ZNF248: variants seen among roughly 807,000 people sequenced by gnomAD.
ZNF248 encodes zinc finger protein 248, also known as KRAB protein domain.
Under a neutral mutation model 44.3 loss-of-function variants are expected in ZNF248, and 20 were observed. The observed-to-expected ratio is 0.45, with a 90% CI of 0.32 to 0.66. The LOEUF (loss-of-function observed/expected upper bound fraction) is 0.66, where lower values mean the gene tolerates loss of function less well. Ranked by LOEUF, ZNF248 falls within the 30% of genes least tolerant of loss-of-function variation. ZNF248 has a pLI of 0.04. For synonymous variants in ZNF248, 224 were observed against 229.0 expected (o/e 0.98, Z 0.20); for missense variants, 654 against 677.0 (o/e 0.97, Z 0.38).
chr10:37,828,204 CAT>C (rs930195555), downstream of ZNF248, among the ~76,000 whole-genome samples: 9 of 152,318 alleles, frequency 5.9e-5, no homozygotes, highest in Non-Finnish European at 1.2e-4. Context: ...TAGATACACA[CAT>C]GTGAACACAC....
intron 3 of ZNF248, among the ~76,000 whole-genome samples, chr10:37,844,433 G>GT (rs1478486554): frequency 3.9e-5 from 6 of 151,952 alleles, no homozygotes; most frequent in African/African-American, 1.4e-4. Flanking sequence ...TAAAAAAAAT[G>GT]TAAGTACAAA....
rs760687983 is a variant in ZNF248 at position 37,832,435 on chromosome 10, C to A, written c.920G>T (p.Cys307Phe). ...ATGGATAATGAAAGCTGAATTGTCACAGAAGATTTCCCCATATTCATTATA... is the reference window on the plus strand; with the variant it reads ...ATGGATAATGAAAGCTGAATTGTCAAAGAAGATTTCCCCATATTCATTATA... ...YEYNEYGEIF[C>F]DNSAFIIHQG... The change falls in exon 6 of 6, where the codon TGT becomes TTT. Residue 307 changes from cysteine (C) to phenylalanine (F), a missense_variant. By Grantham distance (205) the Cys-to-Phe change is radical (BLOSUM62 -2). Transcript: ENST00000395867. The A allele has an allele frequency of 6.2e-7, 1 of 1,613,996 alleles. No homozygotes were observed. The highest frequency in any genetic ancestry group is 8.5e-7 in the Non-Finnish European group (1 of 1,179,956).
rs1484736362 is a variant in ZNF248, at chr10:37,820,963, C to T, written c.330+12062G>A. 5.0e-6 allele frequency: 8 copies of T among 1,594,746 alleles called. No individual in the cohort carries two copies. The East Asian group carries it at 6.7e-5, about 13-fold the overall frequency. On this transcript the variant is annotated intron_variant, in intron 6 of 6. Coordinates refer to the ZNF248 transcript ENST00000615949. ...TAATTCCTGCCGTCGTGGGTCCAGG[C>T]TATGCAATTCTTCCATCATTTCTGG... is the stretch of plus-strand genomic sequence containing the variant.
intron 6 of ZNF248, among the ~76,000 whole-genome samples, chr10:37,802,617 A>G (rs2049965697): frequency 1.3e-5 from 2 of 152,190 alleles, no homozygotes; most frequent in African/African-American, 4.8e-5. Flanking sequence ...AAAACACTGG[A>G]AAAAAATGCC....
chr10:37,843,799 T>C (rs2058780269), intron 3 of ZNF248, among the ~76,000 whole-genome samples: 1 of 152,102 alleles, frequency 6.6e-6, no homozygotes, highest in African/African-American at 2.4e-5. Context: ...TAACAACCCA[T>C]TTGAACAGAC....
chr10:37,840,254 T>C (rs2058095220), intron 3 of ZNF248, among the ~76,000 whole-genome samples: 1 of 152,044 alleles, frequency 6.6e-6, no homozygotes, highest in Non-Finnish European at 1.5e-5. Flanking sequence ...AACCACAGAC[T>C]GAGAAAAAAT....
intron 5 of ZNF248, among the ~76,000 whole-genome samples, chr10:37,835,149 A>G (rs2056863280): frequency 6.6e-6 from 1 of 152,192 alleles, no homozygotes; most frequent in Admixed American, 6.5e-5. Context: ...GAAAAGAACC[A>G]ACTAGGAATT....
chr10:37,760,862 T>A, the ZNF248 span, among the ~76,000 whole-genome samples: 1 of 152,230 alleles, frequency 6.6e-6, no homozygotes. Flanking sequence ...TATAAAGACA[T>A]ACTAAAACAT....
chr10:37,838,233 A>G (rs973368670), intron 3 of ZNF248, 122 bp from the exon 4 acceptor site: 2 of 804,698 alleles, frequency 2.5e-6, no homozygotes, highest in East Asian at 2.6e-5. Context: ...CTGTGCTGCT[A>G]TACTATACAG....
At position 37,780,232 on chromosome 10, in the gene ZNF248, AG is replaced by A. The variant is rs2047120639; in HGVS notation, c.331-3658del. ...AGTCAATCCTAAGCCAAAAGAACAA[AG>A]CTGGAGGCATCACACTACCTGACTT... On this transcript the variant is annotated intron_variant, in intron 6 of 6. Coordinates refer to the ZNF248 transcript ENST00000615949. 2.0e-5 allele frequency among the ~76,000 whole-genome samples: 3 copies of A among 152,208 alleles called. No homozygotes were observed. The South Asian group carries it at 6.2e-4, about 32-fold the overall frequency.
At chr10:37,827,191 C>A (rs1197992828), downstream of ZNF248, among the ~76,000 whole-genome samples, 1 of 152,156 alleles carries the variant, frequency 6.6e-6, no homozygotes, top group African/African-American at 2.4e-5. Flanking sequence ...CAGAGATCCA[C>A]AAGAATAGGG....
chr10:37,848,390 C>A (rs1425313532), intron 3 of ZNF248, among the ~76,000 whole-genome samples: 3 of 151,902 alleles, frequency 2.0e-5, no homozygotes, highest in Non-Finnish European at 4.4e-5. Context: ...TCGAGAACAG[C>A]CTGGCAACAT....
chr10:37,770,393 C>A, the ZNF248 span, among the ~76,000 whole-genome samples: 7 of 152,158 alleles, frequency 4.6e-5, no homozygotes, highest in Non-Finnish European at 7.3e-5. Flanking sequence ...GCTACAGTAA[C>A]CAAAACAGCA....
intron 6 of ZNF248, among the ~76,000 whole-genome samples, chr10:37,793,729 T>C (rs958622637): frequency 1.3e-5 from 2 of 152,198 alleles, no homozygotes; most frequent in African/African-American, 4.8e-5. Flanking sequence ...TTATTTCTAT[T>C]TTCTTGATCA....
intron 6 of ZNF248, among the ~76,000 whole-genome samples, chr10:37,777,060 A>C (rs1323172739): frequency 6.6e-6 from 1 of 151,960 alleles, no homozygotes; most frequent in Non-Finnish European, 1.5e-5. Context: ...ACTCAGAACC[A>C]CTCCGCATGG....
At chr10:37,764,377 T>C in the ZNF248 span, among the ~76,000 whole-genome samples, 3 of 152,202 alleles carry the variant, frequency 2.0e-5, no homozygotes, top group African/African-American at 2.4e-5. Flanking sequence ...ATGTTATCAA[T>C]GACAATGCGT....
downstream of ZNF248, among the ~76,000 whole-genome samples, chr10:37,772,152 C>G (rs933426824): frequency 1.3e-4 from 20 of 152,010 alleles, no homozygotes; most frequent in African/African-American, 4.8e-4. Context: ...GTAATCTCAG[C>G]TACTCAGGAG....
chr10:37,781,894 T>C (rs1396299339), intron 6 of ZNF248, among the ~76,000 whole-genome samples: 1 of 152,244 alleles, frequency 6.6e-6, no homozygotes, highest in Non-Finnish European at 1.5e-5. Context: ...TGACATTACA[T>C]GGCTGGGCTA....
intron 3 of ZNF248, among the ~76,000 whole-genome samples, chr10:37,854,377 A>G (rs1269602137): frequency 2.0e-5 from 3 of 152,210 alleles, no homozygotes; most frequent in Non-Finnish European, 2.9e-5. Flanking sequence ...CTGGGGGGGA[A>G]AAAAGACCAG....
Sources: allele counts gnomAD v4.1 joint callset (sites outside exome capture counted in the v4.1 genomes callset), GRCh38; gene constraint gnomAD v4.1.1; transcripts MANE v1.5; gene names NCBI Gene and HGNC (gene_info 2026-07-23, HGNC 2026-07-21).